BNC2: variants seen among roughly 807,000 people sequenced by gnomAD.
BNC2 encodes the protein basonuclin zinc finger protein 2.
A neutral mutation model predicts 76.3 loss-of-function variants in BNC2; 20 were observed. The observed-to-expected ratio is 0.26, with a 90% confidence interval of 0.18 to 0.38. BNC2 has a LOEUF of 0.38. Ranked by LOEUF, BNC2 falls within the 10% of genes least tolerant of loss-of-function variation. The pLI, the probability that BNC2 is intolerant of heterozygous loss-of-function variation, is 1.00. For missense variants in BNC2, 1,382 were observed against 1,399.8 expected, an observed-to-expected ratio of 0.99 and a Z score of 0.20; for synonymous variants, 582 against 514.8, an observed-to-expected ratio of 1.13 and a Z score of -1.77.
At chr9:16,846,548 C>G (rs920597948) in intron 1 of BNC2, among the ~76,000 whole-genome samples, 3 of 152,130 alleles carry the variant, frequency 2.0e-5, no homozygotes, top group African/African-American at 7.2e-5. Context: ...ACTTTAATTT[C>G]GACAAGGCTG....
At chr9:16,608,147 T>A (rs371359910) in intron 3 of BNC2, among the ~76,000 whole-genome samples, 2 of 152,172 alleles carry the variant, frequency 1.3e-5, no homozygotes, top group Admixed American at 1.3e-4. Context: ...CTACTTTCCA[T>A]GAGCAGAAAA....
chr9:16,786,695 G>C (rs972330147), intron 1 of BNC2, among the ~76,000 whole-genome samples: 1 of 152,130 alleles, frequency 6.6e-6, no homozygotes, highest in Non-Finnish European at 1.5e-5. Context: ...AAGGGGGAGA[G>C]GCCCTGCCCC....
At chr9:16,656,064 C>T (rs996685435) in intron 3 of BNC2, among the ~76,000 whole-genome samples, 2 of 152,158 alleles carry the variant, frequency 1.3e-5, no homozygotes, top group Non-Finnish European at 2.9e-5. Flanking sequence ...TTTTGGTTGT[C>T]ACAACTGAGT....
At position 16,603,771 on chromosome 9, in the gene BNC2, T is replaced by C. The variant is rs77061042; in HGVS notation, c.331-20686A>G. ...AACCTGCTGTTAGTATTTCTGCTCA[T>C]AACCTTGGCTGATTTTATTAATGCC... is the stretch of plus-strand genomic sequence containing the variant. On this transcript the variant is annotated intron_variant, in intron 3 of 6. Coordinates refer to ENST00000380672, the MANE Select transcript of BNC2 (RefSeq NM_017637.6). Among the ~76,000 whole-genome samples the C allele has an allele frequency of 7.7e-3, 1,173 of 152,358 alleles. 46 individuals carry two copies. The highest frequency in any genetic ancestry group is 0.07 in the East Asian group (361 of 5,188).
At chr9:16,425,772 TG>T (rs1232593427) in intron 6 of BNC2, among the ~76,000 whole-genome samples, 1 of 152,224 alleles carries the variant, frequency 6.6e-6, no homozygotes, top group Non-Finnish European at 1.5e-5. Flanking sequence ...ATACTAAATC[TG>T]GCCCTACAGT....
chr9:16,801,842 G>A (rs1042185155), intron 1 of BNC2, among the ~76,000 whole-genome samples: 32 of 151,826 alleles, frequency 2.1e-4, no homozygotes, highest in Non-Finnish European at 4.3e-4. Context: ...AAACAGCTGT[G>A]TGAAGGTTCA....
chr9:16,652,287 C>G (rs1212937871), intron 3 of BNC2, among the ~76,000 whole-genome samples: 1 of 152,110 alleles, frequency 6.6e-6, no homozygotes, highest in African/African-American at 2.4e-5. Flanking sequence ...GTCTGCAAAA[C>G]TCAATACTAC....
intron 1 of BNC2, among the ~76,000 whole-genome samples, chr9:16,848,292 A>T (rs953994545): frequency 1.3e-5 from 2 of 152,206 alleles, no homozygotes; most frequent in African/African-American, 4.8e-5. Flanking sequence ...ATGAAATTCC[A>T]TCGATGAAGT....
At position 16,762,151 on chromosome 9, in the gene BNC2, C is replaced by A. The variant is rs545941553; in HGVS notation, c.4-23666G>T. ...CAAACTCTTCACTCTGGAAGGTGAG[C>A]GTTGATCCTCTATTTTTTCATGGAC... On this transcript the variant is annotated intron_variant, in intron 1 of 6. Coordinates refer to ENST00000380672, the MANE Select transcript of BNC2 (RefSeq NM_017637.6). 1.8e-4 allele frequency among the ~76,000 whole-genome samples: 27 copies of A among 152,198 alleles called. 1 individual carries two copies. The highest frequency in any genetic ancestry group is 6.0e-4 in the African/African-American group (25 of 41,530).
chr9:16,433,883 G>T (rs1563780469), intron 6 of BNC2, among the ~76,000 whole-genome samples: 1 of 151,738 alleles, frequency 6.6e-6, no homozygotes, highest in African/African-American at 2.4e-5. Flanking sequence ...TTTTATTTTT[G>T]TTTAAAAAAA....
intron 5 of BNC2, among the ~76,000 whole-genome samples, chr9:16,515,444 G>T (rs998191359): frequency 6.6e-6 from 1 of 152,112 alleles, no homozygotes; most frequent in Non-Finnish European, 1.5e-5. Context: ...GAATGCACCC[G>T]GCACCAAAGC....
At chr9:16,600,017 A>G (rs950964500) in intron 3 of BNC2, among the ~76,000 whole-genome samples, 2 of 152,208 alleles carry the variant, frequency 1.3e-5, no homozygotes, top group African/African-American at 4.8e-5. Flanking sequence ...TGTATCACTC[A>G]CTCATATTTA....
At chr9:16,780,257 C>CAAACAAAAA (rs1416629804) in intron 1 of BNC2, among the ~76,000 whole-genome samples, 1 of 78,694 alleles carries the variant, frequency 1.3e-5, no homozygotes, top group African/African-American at 4.9e-5. Flanking sequence ...AAAAAAAAAA[C>CAAACAAAAA]AAAAAAAAAC....
At chr9:16,548,791 T>G (rs1818567768) in intron 5 of BNC2, among the ~76,000 whole-genome samples, 1 of 152,206 alleles carries the variant, frequency 6.6e-6, no homozygotes, top group Admixed American at 6.5e-5. Context: ...ATTTTTGTGG[T>G]TTTCTGGAAA....
At chr9:16,446,347 G>C (rs1821231407) in intron 5 of BNC2, among the ~76,000 whole-genome samples, 3 of 152,088 alleles carry the variant, frequency 2.0e-5, no homozygotes. Context: ...TAAAGTGGAA[G>C]TTTGAGGAGC....
intron 1 of BNC2, chr9:16,832,150 G>C (rs1210176759): frequency 2.5e-6 from 1 of 404,628 alleles, no homozygotes; most frequent in Non-Finnish European, 4.0e-6. Context: ...ATATTTCAAC[G>C]GTCCATTTAG....
chr9:16,817,656 A>G (rs906046030), intron 1 of BNC2, among the ~76,000 whole-genome samples: 3 of 152,188 alleles, frequency 2.0e-5, no homozygotes, highest in Admixed American at 6.5e-5. Context: ...CTCCCTTGCC[A>G]GAGTATGGTT....
chr9:16,789,564 A>C (rs1817443142), intron 1 of BNC2, among the ~76,000 whole-genome samples: 1 of 152,108 alleles, frequency 6.6e-6, no homozygotes, highest in African/African-American at 2.4e-5. Context: ...TTTCCAGATT[A>C]ATTCCTAAGT....
At chr9:16,854,454 A>G (rs1819204016) in intron 1 of BNC2, among the ~76,000 whole-genome samples, 1 of 152,246 alleles carries the variant, frequency 6.6e-6, no homozygotes, top group Non-Finnish European at 1.5e-5. Flanking sequence ...ACCTGTATAT[A>G]AAGTCAATTT....
Sources: gnomAD v4.1 joint callset for allele counts (sites outside exome capture counted in the v4.1 genomes callset) on GRCh38, gnomAD v4.1.1 for gene constraint, MANE v1.5 for transcripts, NCBI Gene and HGNC (gene_info 2026-07-23, HGNC 2026-07-21) for gene names.